CPXM2: variants seen among roughly 807,000 people sequenced by gnomAD.
CPXM2 encodes carboxypeptidase X, M14 family member 2, also known as inactive carboxypeptidase-like protein X2.
In CPXM2, 66 loss-of-function variants were observed where a neutral mutation model predicts 86.1. That is an observed-to-expected ratio of 0.77 (90% CI 0.63 to 0.94). CPXM2 has a LOEUF of 0.94. Ranked by LOEUF, CPXM2 falls within the 40% of genes least tolerant of loss-of-function variation. The pLI is 0.00. For synonymous variants in CPXM2, 388 were observed against 400.2 expected (o/e 0.97, Z 0.36); for missense variants, 948 against 1,026.3 (o/e 0.92, Z 1.04).
At chr10:123,780,640 CATAA>C (rs1462726011) in intron 6 of CPXM2, among the ~76,000 whole-genome samples, 1 of 152,156 alleles carries the variant, frequency 6.6e-6, no homozygotes, top group Non-Finnish European at 1.5e-5. Context: ...GTCAACACTG[CATAA>C]ATAAATGAGT....
chr10:123,795,085 G>A (rs1463938342), intron 6 of CPXM2, among the ~76,000 whole-genome samples: 1 of 152,152 alleles, frequency 6.6e-6, no homozygotes, highest in East Asian at 1.9e-4. Flanking sequence ...ATTTTTAATT[G>A]TGGAAAACTA....
intron 2 of CPXM2, among the ~76,000 whole-genome samples, chr10:123,905,285 G>A (rs28453680): frequency 0.17 from 25,247 of 152,190 alleles, 2,197 homozygotes; most frequent in Middle Eastern, 0.31. Flanking sequence ...GGCCTTCCGC[G>A]AGCAGCTTGA....
intron 2 of CPXM2, 76 bp from the exon 3 acceptor site, chr10:123,862,799 C>T (rs765703234): frequency 3.0e-5 from 40 of 1,323,126 alleles, no homozygotes; most frequent in South Asian, 4.9e-5. Context: ...TAAATCTGGC[C>T]GCGTGCTTTT....
chr10:123,839,451 C>T (rs1254241678), intron 4 of CPXM2, among the ~76,000 whole-genome samples: 20 of 152,084 alleles, frequency 1.3e-4, no homozygotes, highest in Non-Finnish European at 7.4e-5. Context: ...TATTGATACC[C>T]GTTCATTAAA....
rs1589956894 is a variant in CPXM2, at chr10:123,750,213, G to T, written c.2018-3196C>A. The T allele has an allele frequency of 6.1e-6, 6 of 985,182 alleles. No homozygotes were observed. The South Asian group carries it at 1.9e-4, about 31-fold the overall frequency. The allele number at this position is 985,182 out of a possible 1,614,324, so 61.0% of individuals were successfully genotyped here. A position where few individuals can be genotyped will look rare whatever the true frequency, so the allele number is the denominator to read the frequency against. On this transcript the variant is annotated intron_variant, in intron 13 of 13. Transcript: ENST00000241305. ...CTGTCAGATAAGCCCTCTAATTTTT[G>T]AGGAGAAATAGACAAGCAGGTGGAG...
At chr10:123,766,022 C>A (rs74162929) in intron 10 of CPXM2, among the ~76,000 whole-genome samples, 318 of 152,328 alleles carry the variant, frequency 2.1e-3, no homozygotes, top group African/African-American at 7.5e-3. Context: ...TGAATTCTGG[C>A]AGGTGAGAGT....
intron 1 of CPXM2, among the ~76,000 whole-genome samples, chr10:123,883,715 G>C (rs1945132588): frequency 6.6e-6 from 1 of 152,160 alleles, no homozygotes. Flanking sequence ...GGGGAGAAGA[G>C]AGCTGCCCAA....
intron 6 of CPXM2, among the ~76,000 whole-genome samples, chr10:123,791,469 A>C (rs1179394910): frequency 1.3e-5 from 2 of 152,092 alleles, no homozygotes; most frequent in Non-Finnish European, 2.9e-5. Context: ...GGTCTCTCTA[A>C]AAGCTCTAGG....
chr10:123,879,848 A>G (rs1945051757), intron 2 of CPXM2, among the ~76,000 whole-genome samples: 1 of 152,128 alleles, frequency 6.6e-6, no homozygotes, highest in African/African-American at 2.4e-5. Flanking sequence ...AGGTTGGGAG[A>G]TAAGAAATGC....
intron 4 of CPXM2, among the ~76,000 whole-genome samples, chr10:123,828,170 C>CA (rs1251805111): frequency 2.7e-5 from 4 of 145,462 alleles, no homozygotes; most frequent in Admixed American, 2.0e-4. Flanking sequence ...GACCTCACCT[C>CA]AAAAAAAAGA....
At chr10:123,751,885 ATGCATTTCCCATTAGC>A in intron 13 of CPXM2, 1 of 985,266 alleles carries the variant, frequency 1.0e-6, no homozygotes, top group Non-Finnish European at 1.2e-6. Context: ...AGGGAGGGAG[ATGCATTTCCCATTAGC>A]TCATCAAAAC....
intron 6 of CPXM2, among the ~76,000 whole-genome samples, chr10:123,790,083 A>C (rs1334220908): frequency 1.3e-5 from 2 of 152,000 alleles, no homozygotes; most frequent in Non-Finnish European, 2.9e-5. Context: ...GCACCACTGC[A>C]CTCCAACCTG....
rs146784635 is a variant in CPXM2 at position 123,789,702 on chromosome 10, A to G, written c.889+8274T>C. ...GCAGATGGAGCAACGGTGAGAGCAC[A>G]CCTGAACAAGGGAGGGGAAGGGGTT... is the stretch of plus-strand genomic sequence containing the variant. On this transcript the variant is annotated intron_variant, in intron 6 of 13. Transcript: ENST00000241305. 3.0e-4 allele frequency among the ~76,000 whole-genome samples: 46 copies of G among 152,328 alleles called. 1 individual carries two copies. The East Asian group carries it at 8.3e-3, about 27-fold the overall frequency.
rs112542031 is a variant in CPXM2, at chr10:123,842,444, C to G, written c.558G>C (p.Ala186=). ...TCCACTGCTGGAGGTCATTTCTTCC[C>G]GCGCACCACGCTCCGTCATAAAAAT... ...ENDFYDGAWC[A]GRNDLQQWIE... is the part of the protein sequence containing the mutation. Residue 186 remains alanine (A), a synonymous_variant, in exon 4 of 14, where the codon GCG becomes GCC. Coordinates refer to ENST00000241305, the MANE Select transcript of CPXM2 (RefSeq NM_198148.3). The G allele has an allele frequency of 6.2e-7, 1 of 1,614,154 alleles. No homozygotes were observed. The highest frequency in any genetic ancestry group is 2.2e-5 in the East Asian group (1 of 44,882).
chr10:123,880,441 T>C (rs1945064411), intron 1 of CPXM2, 132 bp from the exon 2 acceptor site: 3 of 615,914 alleles, frequency 4.9e-6, no homozygotes, highest in Admixed American at 2.9e-5. Flanking sequence ...AGATGGGGTC[T>C]TGGACTTTAA....
chr10:123,840,957 C>T (rs1369630575), intron 4 of CPXM2, among the ~76,000 whole-genome samples: 1 of 152,122 alleles, frequency 6.6e-6, no homozygotes, highest in Non-Finnish European at 1.5e-5. Context: ...TGATTGCCAA[C>T]AAGTAATCAG....
At chr10:123,858,911 A>G (rs1018327273) in intron 3 of CPXM2, among the ~76,000 whole-genome samples, 2 of 152,168 alleles carry the variant, frequency 1.3e-5, no homozygotes, top group African/African-American at 4.8e-5. Context: ...TCCTTTTGAC[A>G]CTCACAATTC....
At chr10:123,867,978 C>T (rs1381223988) in intron 2 of CPXM2, among the ~76,000 whole-genome samples, 3 of 152,164 alleles carry the variant, frequency 2.0e-5, no homozygotes, top group Non-Finnish European at 2.9e-5. Context: ...GCAAAGCATG[C>T]GAGCCACGTA....
chr10:123,750,773 C>T, intron 13 of CPXM2: 1 of 985,400 alleles, frequency 1.0e-6, no homozygotes, highest in Non-Finnish European at 1.2e-6. Context: ...GGGGTGTTGG[C>T]CATGTCATCT....
Sources: gnomAD v4.1 joint callset for allele counts (sites outside exome capture counted in the v4.1 genomes callset) on GRCh38, gnomAD v4.1.1 for gene constraint, MANE v1.5 for transcripts, NCBI Gene and HGNC (gene_info 2026-07-23, HGNC 2026-07-21) for gene names.